Variants in KCNMA1 observed in about 807,000 individuals in gnomAD.
KCNMA1 encodes potassium calcium-activated channel subfamily M alpha 1.
KCNMA1 carries 29 observed loss-of-function variants against 140.0 expected under a neutral mutation model. The observed-to-expected ratio is 0.21, with a 90% CI of 0.15 to 0.28. KCNMA1 has a LOEUF of 0.28. KCNMA1 is among the 10% of genes least tolerant of loss of function. The pLI, the probability that KCNMA1 is intolerant of heterozygous loss-of-function variation, is 1.00. For missense variants in KCNMA1, 880 were observed against 1,602.2 expected (o/e 0.55, Z 7.70); for synonymous variants, 612 against 611.9 (o/e 1.00, Z 0.00).
chr10:77,558,327 G>A (rs1014003040), intron 1 of KCNMA1, among the ~76,000 whole-genome samples: 1 of 152,170 alleles, frequency 6.6e-6, no homozygotes, highest in African/African-American at 2.4e-5. Flanking sequence ...GCAGGGATGT[G>A]CCAAACACCT....
At chr10:77,284,862 C>T (rs1239422774) in intron 2 of KCNMA1, among the ~76,000 whole-genome samples, 1 of 152,026 alleles carries the variant, frequency 6.6e-6, no homozygotes, top group Non-Finnish European at 1.5e-5. Context: ...TGTCATTCTT[C>T]TGTAAATATA....
intron 2 of KCNMA1, among the ~76,000 whole-genome samples, chr10:77,257,577 G>C (rs2061037560): frequency 6.6e-6 from 1 of 152,178 alleles, no homozygotes; most frequent in East Asian, 1.9e-4. Context: ...CCACCTGGCT[G>C]TTCTAGGAAA....
intron 5 of KCNMA1, among the ~76,000 whole-genome samples, chr10:77,152,309 T>TG (rs59919010): frequency 2.7e-5 from 4 of 147,688 alleles, no homozygotes; most frequent in African/African-American, 5.1e-5. Flanking sequence ...TGTGTGTGTG[T>TG]TGTTGCTGTT....
intron 3 of KCNMA1, among the ~76,000 whole-genome samples, chr10:77,228,150 A>T (rs1477494592): frequency 6.6e-6 from 1 of 152,012 alleles, no homozygotes; most frequent in African/African-American, 2.4e-5. Flanking sequence ...TTTTTCGTAG[A>T]GACGGGGTTT....
At chr10:77,061,628 C>T (rs1352792338) in intron 14 of KCNMA1, among the ~76,000 whole-genome samples, 1 of 152,096 alleles carries the variant, frequency 6.6e-6, no homozygotes, top group Non-Finnish European at 1.5e-5. Context: ...ATAAACTTAC[C>T]CTATAATCCA....
chr10:77,557,645 A>ATTTT (rs148296325), intron 1 of KCNMA1, among the ~76,000 whole-genome samples: 1 of 131,912 alleles, frequency 7.6e-6, no homozygotes, highest in African/African-American at 2.8e-5. Flanking sequence ...CCAGGAAGTG[A>ATTTT]TTTTTTTTTT....
intron 22 of KCNMA1, 110 bp from the exon 23 acceptor site, chr10:76,945,075 A>C: frequency 2.2e-6 from 2 of 904,996 alleles, no homozygotes; most frequent in Non-Finnish European, 1.8e-6. Context: ...CAAATTAAAG[A>C]TTGAGTCGGA....
intron 1 of KCNMA1, among the ~76,000 whole-genome samples, chr10:77,416,692 C>G (rs1260405642): frequency 6.6e-6 from 1 of 152,222 alleles, no homozygotes; most frequent in Non-Finnish European, 1.5e-5. Context: ...CCACCACTAC[C>G]ACCTTCATCA....
At chr10:77,040,143 G>A (rs1472035073) in intron 14 of KCNMA1, among the ~76,000 whole-genome samples, 2 of 151,692 alleles carry the variant, frequency 1.3e-5, no homozygotes, top group Non-Finnish European at 2.9e-5. Context: ...GCCTCTCAAA[G>A]TCCTGGGATT....
intron 19 of KCNMA1, among the ~76,000 whole-genome samples, chr10:76,993,058 T>C (rs2083239552): frequency 6.6e-6 from 1 of 152,170 alleles, no homozygotes; most frequent in Non-Finnish European, 1.5e-5. Context: ...TAACTGAAGC[T>C]ACCACCTGCA....
chr10:77,508,565 C>CT (rs773700858), intron 1 of KCNMA1, among the ~76,000 whole-genome samples: 15 of 124,406 alleles, frequency 1.2e-4, no homozygotes, highest in African/African-American at 3.8e-4. Context: ...TTTCCTTTTT[C>CT]TTTTTTTTTT....
intron 1 of KCNMA1, among the ~76,000 whole-genome samples, chr10:77,466,815 G>T (rs954211666): frequency 1.6e-4 from 24 of 151,936 alleles, no homozygotes; most frequent in African/African-American, 5.6e-4. Context: ...GTTCTGTCAC[G>T]TGGGATGCTG....
intron 1 of KCNMA1, among the ~76,000 whole-genome samples, chr10:77,417,902 T>C (rs530376389): frequency 6.6e-6 from 1 of 152,304 alleles, no homozygotes; most frequent in East Asian, 1.9e-4. Flanking sequence ...TTACCAGGCA[T>C]ACAGCGGCAG....
intron 1 of KCNMA1, among the ~76,000 whole-genome samples, chr10:77,587,493 T>C (rs567968244): frequency 6.6e-6 from 1 of 152,258 alleles, no homozygotes; most frequent in South Asian, 2.1e-4. Context: ...ATTATTGGGA[T>C]AAGCCAAGAG....
intron 1 of KCNMA1, among the ~76,000 whole-genome samples, chr10:77,524,248 A>T (rs767471560): frequency 2.0e-5 from 3 of 152,182 alleles, no homozygotes; most frequent in Non-Finnish European, 2.9e-5. Context: ...ACCACCTATA[A>T]AGAAAGCGAG....
chr10:77,534,752 A>G (rs1411515047), intron 1 of KCNMA1, among the ~76,000 whole-genome samples: 1 of 151,182 alleles, frequency 6.6e-6, no homozygotes, highest in Non-Finnish European at 1.5e-5. Context: ...TAGCTAAAAG[A>G]AAATATTTGA....
Position 76,949,176 on chromosome 10 carries a change from G to A in KCNMA1, c.2675C>T (p.Thr892Met), listed in dbSNP as rs200440843. ...SIEYLKREWETLHNFPKVSIL... is the reference protein window; with the variant it reads ...SIEYLKREWEMLHNFPKVSIL... The stretch of plus-strand genomic sequence containing the variant: ...GGACACTTTGGGGAAGTTATGAAGC[G>A]TCTCCCATTCCCGCTTGAGGTACTC... The change falls in exon 22 of 28, where the codon ACG becomes ATG. Residue 892 changes from threonine (T) to methionine (M), a missense_variant. Physicochemically the swap from Thr to Met is moderately conservative, Grantham distance 81. Transcript: ENST00000286628. 121 of 1,613,896 alleles carry A rather than the reference G, an allele frequency of 7.5e-5. 1 individual carries two copies. The highest frequency in any genetic ancestry group is 5.3e-4 in the South Asian group (48 of 91,078).
intron 1 of KCNMA1, among the ~76,000 whole-genome samples, chr10:77,463,796 A>G (rs895862936): frequency 2.0e-5 from 3 of 152,144 alleles, no homozygotes; most frequent in African/African-American, 7.2e-5. Context: ...GGGAGTGCCC[A>G]GGCCTTAGGA....
At chr10:76,974,863 C>T (rs2077028163) in intron 19 of KCNMA1, among the ~76,000 whole-genome samples, 1 of 152,308 alleles carries the variant, frequency 6.6e-6, no homozygotes, top group East Asian at 1.9e-4. Context: ...CACCCCACAA[C>T]ATGTACAGAC....
Sources: allele counts gnomAD v4.1 joint callset (sites outside exome capture counted in the v4.1 genomes callset), GRCh38; gene constraint gnomAD v4.1.1; transcripts MANE v1.5; gene names NCBI Gene and HGNC (gene_info 2026-07-23, HGNC 2026-07-21).